The following ERC2 variants were observed in gnomAD, a reference collection of about 807,000 sequenced individuals.
ERC2 encodes ELKS/RAB6-interacting/CAST family member 2.
Under a neutral mutation model 114.8 loss-of-function variants are expected in ERC2, and 42 were observed. The ratio of observed to expected loss-of-function variants is 0.37; its 90% confidence interval spans 0.29 to 0.47. The LOEUF is 0.47. ERC2 is among the 20% of genes least tolerant of loss of function. ERC2 has a pLI of 0.99. For synonymous variants in ERC2, 454 were observed against 425.5 expected (o/e 1.07, Z -0.82); for missense variants, 939 against 1,150.7 (o/e 0.82, Z 2.66).
At chr3:56,297,660 C>T (rs2055543792) in intron 2 of ERC2, among the ~76,000 whole-genome samples, 1 of 152,338 alleles carries the variant, frequency 6.6e-6, no homozygotes, top group East Asian at 1.9e-4. Context: ...TCGCCAAACA[C>T]ATGATCCTGC....
intron 17 of ERC2, among the ~76,000 whole-genome samples, chr3:55,651,213 G>A (rs1318172098): frequency 6.6e-6 from 1 of 151,876 alleles, no homozygotes; most frequent in African/African-American, 2.4e-5. Context: ...GTGAGGGCAG[G>A]GACCTGTGCA....
chr3:55,696,480 C>T (rs1157491080), intron 16 of ERC2, among the ~76,000 whole-genome samples: 1 of 152,180 alleles, frequency 6.6e-6, no homozygotes, highest in Non-Finnish European at 1.5e-5. Flanking sequence ...TAGTTAAAAT[C>T]TCATCCACAT....
chr3:56,430,697 G>A lies in ERC2; in HGVS notation c.657+3654C>T, dbSNP rs370201304. ...CCAGCTACTAGGGAGGCTGAGGTGG[G>A]AGGAGCGATTGAGCCCAGGAGGTCA... On this transcript the variant is annotated intron_variant, in intron 2 of 17. Coordinates refer to ENST00000288221, the MANE Select transcript of ERC2 (RefSeq NM_015576.3). 3.1e-4 allele frequency among the ~76,000 whole-genome samples: 47 copies of A among 152,314 alleles called. No homozygotes were observed. In the East Asian group the frequency reaches 3.3e-3, roughly 11 times the overall value.
intron 17 of ERC2, among the ~76,000 whole-genome samples, chr3:55,667,841 G>T (rs1451631765): frequency 6.6e-6 from 1 of 152,248 alleles, no homozygotes; most frequent in Non-Finnish European, 1.5e-5. Context: ...GAATTGAGAA[G>T]TGGGCAGTTT....
rs73086196 is a variant in ERC2 at position 55,971,425 on chromosome 3, T to C, written c.2267+14552A>G. Reference sequence around the variant, plus strand: ...AAAAAGTTTATAAAAAGAAAACTTATATTGTCCCTCCATCTTCCCCAATAA... The same window carrying C: ...AAAAAGTTTATAAAAAGAAAACTTACATTGTCCCTCCATCTTCCCCAATAA... On this transcript the variant is annotated intron_variant, in intron 12 of 17. Transcript: ENST00000288221. Among the ~76,000 whole-genome samples, 1,308 of 152,308 alleles carry C rather than the reference T, an allele frequency of 8.6e-3. 6 individuals carry two copies. The highest frequency in any genetic ancestry group is 0.014 in the Non-Finnish European group (961 of 68,014).
intron 13 of ERC2, among the ~76,000 whole-genome samples, chr3:55,894,104 A>G (rs1282969883): frequency 6.6e-6 from 1 of 152,232 alleles, no homozygotes; most frequent in Non-Finnish European, 1.5e-5. Context: ...TACTAGATGT[A>G]TAAATTCACT....
chr3:56,167,930 T>C (rs2082407457), intron 4 of ERC2, among the ~76,000 whole-genome samples: 1 of 152,134 alleles, frequency 6.6e-6, no homozygotes, highest in Non-Finnish European at 1.5e-5. Flanking sequence ...CTCTGCACCT[T>C]TCCAAAAATA....
At chr3:56,337,239 A>T (rs1213450559) in intron 2 of ERC2, among the ~76,000 whole-genome samples, 1 of 152,232 alleles carries the variant, frequency 6.6e-6, no homozygotes, top group Non-Finnish European at 1.5e-5. Flanking sequence ...GACTGCCAAC[A>T]GGCTGAACCC....
chr3:56,234,400 G>C (rs1665889841), intron 3 of ERC2, among the ~76,000 whole-genome samples: 2 of 152,152 alleles, frequency 1.3e-5, no homozygotes, highest in Non-Finnish European at 2.9e-5. Context: ...TGGGTAATTG[G>C]AGAGCTGGGA....
In ERC2 at chr3:56,264,876, C is replaced by T. The variant is rs919320397; in HGVS notation, c.1074+31143G>A. 6.0e-4 allele frequency among the ~76,000 whole-genome samples: 86 copies of T among 143,510 alleles called. 1 individual carries two copies. The highest frequency in any genetic ancestry group is 2.1e-3 in the African/African-American group (83 of 39,308). The allele number at this position is 143,510 out of a possible 152,430, so 94.1% of individuals were successfully genotyped here. A position where few individuals can be genotyped will look rare whatever the true frequency, so the allele number is the denominator to read the frequency against. ...ATCCGATTTACAATTTCAAAAGCAA[C>T]AAAATAGGAATAAATTTAACCAAGG... On this transcript the variant is annotated intron_variant, in intron 3 of 17. Coordinates refer to ENST00000288221, the MANE Select transcript of ERC2 (RefSeq NM_015576.3).
chr3:56,003,526 A>G (rs1274943031), intron 10 of ERC2, among the ~76,000 whole-genome samples: 1 of 152,152 alleles, frequency 6.6e-6, no homozygotes, highest in Admixed American at 6.6e-5. Flanking sequence ...GGTAATAATA[A>G]AAGATTAATT....
At chr3:55,518,209 A>C (rs1172373831) in intron 17 of ERC2, among the ~76,000 whole-genome samples, 1 of 152,200 alleles carries the variant, frequency 6.6e-6, no homozygotes, top group Non-Finnish European at 1.5e-5. Context: ...GTTACTGTAC[A>C]CAATTGGTTG....
At chr3:56,214,954 T>A (rs527507582) in intron 3 of ERC2, among the ~76,000 whole-genome samples, 1 of 152,184 alleles carries the variant, frequency 6.6e-6, no homozygotes, top group Non-Finnish European at 1.5e-5. Flanking sequence ...AGAGATCTTG[T>A]CATCACCATG....
chr3:55,638,544 T>A (rs1049541742), intron 17 of ERC2, among the ~76,000 whole-genome samples: 2 of 152,200 alleles, frequency 1.3e-5, no homozygotes, highest in African/African-American at 4.8e-5. Context: ...TCAATTAAAA[T>A]GTTGGCCATG....
At chr3:55,754,052 A>G (rs1228276862) in intron 14 of ERC2, among the ~76,000 whole-genome samples, 1 of 152,222 alleles carries the variant, frequency 6.6e-6, no homozygotes, top group Non-Finnish European at 1.5e-5. Flanking sequence ...TATAACAAGC[A>G]GTTATTATTA....
intron 3 of ERC2, among the ~76,000 whole-genome samples, chr3:56,286,414 C>CAA (rs778645110): frequency 0.025 from 718 of 28,584 alleles, 6 homozygotes; most frequent in Middle Eastern, 0.031. Flanking sequence ...AACTCCATCT[C>CAA]AAAAAAAAAA....
chr3:56,051,682 C>T (rs1312463995), intron 7 of ERC2, among the ~76,000 whole-genome samples: 6 of 151,968 alleles, frequency 3.9e-5, no homozygotes, highest in African/African-American at 7.2e-5. Flanking sequence ...AAAAATTAGC[C>T]GGGTATGGTG....
In ERC2 at chr3:56,174,934, C is replaced by T. The variant is rs1056537821; in HGVS notation, c.1075-1414G>A. On this transcript the variant is annotated intron_variant, in intron 3 of 17. Coordinates refer to ENST00000288221, the MANE Select transcript of ERC2 (RefSeq NM_015576.3). ...CAGAGATTGCAGTGAGCCGAGATCACGCCACTGCACCCCAGCCTGGTGATG... is the reference window on the plus strand; with the variant it reads ...CAGAGATTGCAGTGAGCCGAGATCATGCCACTGCACCCCAGCCTGGTGATG... Among the ~76,000 whole-genome samples, 5 of 150,240 alleles carry T rather than the reference C, an allele frequency of 3.3e-5. 1 individual carries two copies. The highest frequency in any genetic ancestry group is 4.2e-4 in the South Asian group (2 of 4,750).
intron 14 of ERC2, among the ~76,000 whole-genome samples, chr3:55,771,037 G>C (rs1205928508): frequency 6.6e-6 from 1 of 152,164 alleles, no homozygotes; most frequent in Non-Finnish European, 1.5e-5. Context: ...TCTTTATCCA[G>C]TCTATCATTG....
Sources: gnomAD v4.1 joint callset for allele counts (sites outside exome capture counted in the v4.1 genomes callset) on GRCh38, gnomAD v4.1.1 for gene constraint, MANE v1.5 for transcripts, NCBI Gene and HGNC (gene_info 2026-07-23, HGNC 2026-07-21) for gene names.